The following FBH1 variants were observed in gnomAD, a reference collection of about 807,000 sequenced individuals.
The protein encoded by FBH1 is F-box DNA helicase 1.
Under a neutral mutation model 115.5 loss-of-function variants are expected in FBH1, and 43 were observed. That is an observed-to-expected ratio of 0.37 (90% CI 0.29 to 0.48). The LOEUF (loss-of-function observed/expected upper bound fraction) is 0.48, where lower values mean the gene tolerates loss of function less well. Ranked by LOEUF, FBH1 falls within the 20% of genes least tolerant of loss-of-function variation. The pLI, the probability that FBH1 is intolerant of heterozygous loss-of-function variation, is 0.99. For missense variants in FBH1, 1,001 were observed against 1,337.3 expected (o/e 0.75, Z 3.92); for synonymous variants, 524 against 507.8 (o/e 1.03, Z -0.43).
intron 9 of FBH1, 166 bp from the exon 10 acceptor site, chr10:5,916,068 C>G (rs1280794266): frequency 1.9e-5 from 12 of 634,238 alleles, no homozygotes; most frequent in Non-Finnish European, 3.3e-5. Flanking sequence ...AAGCCATTTC[C>G]AGTCAGACAT....
At chr10:5,890,117 G>T (rs1842606870), upstream of FBH1, 2 of 321,012 alleles carry the variant, frequency 6.2e-6, no homozygotes, top group Non-Finnish European at 5.7e-6. Flanking sequence ...CCGTCAGCAC[G>T]CCCCCTCCGG....
At chr10:5,927,569 C>G (rs1832727469) in intron 19 of FBH1, 28 bp downstream of exon 19, 1 of 1,565,520 alleles carries the variant, frequency 6.4e-7, no homozygotes. Flanking sequence ...CATGAGCTAA[C>G]TTGATGCCAT....
rs1190359427 is a variant in FBH1 at position 5,897,698 on chromosome 10, C to T, written c.2-5322C>T. On this transcript the variant is annotated intron_variant, in intron 1 of 20. Transcript: ENST00000362091. This position sits in a 1 kb window ranked among gnomAD's most constrained non-coding sequence, Gnocchi z 4.7. ...AGTCTAAGCGCCCCTCCCCCGGTACCGAACCTCAGTTCCTCCCAGGGTGGC... is the reference window on the plus strand; with the variant it reads ...AGTCTAAGCGCCCCTCCCCCGGTACTGAACCTCAGTTCCTCCCAGGGTGGC... Among the ~76,000 whole-genome samples, 2 of 152,108 alleles carry T rather than the reference C, an allele frequency of 1.3e-5. No homozygotes were observed. The highest frequency in any genetic ancestry group is 4.8e-5 in the African/African-American group (2 of 41,422).
At chr10:5,893,092 G>A (rs1232554647) in intron 1 of FBH1, among the ~76,000 whole-genome samples, 1 of 152,216 alleles carries the variant, frequency 6.6e-6, no homozygotes, top group Admixed American at 6.5e-5. Context: ...TATTGCCTGA[G>A]CTCAGGAGTT....
rs1370970871 is a variant in FBH1 at position 5,918,185 on chromosome 10, G to A, written c.1964-157G>A. Among the ~76,000 whole-genome samples, 2 of 152,208 alleles carry A rather than the reference G, an allele frequency of 1.3e-5. No individual in the cohort carries two copies. Among genetic ancestry groups the A allele is most frequent in the African/African-American group, 4.8e-5 (2 of 41,446 alleles). On this transcript the variant is annotated intron_variant, in intron 12 of 20. Coordinates refer to ENST00000362091, the MANE Select transcript of FBH1 (RefSeq NM_178150.3). This position sits in a 1 kb window ranked among gnomAD's most constrained non-coding sequence, Gnocchi z 4.0. ...CTGTTTCTTTTGTCCATTATAAAAT[G>A]GCTGCTTTTGATGGAGTGTGCCTGT...
In FBH1 at chr10:5,911,266, TTC is replaced by T; in HGVS notation, c.1211+140_1211+141del. On this transcript the variant is annotated intron_variant, in intron 6 of 20. Coordinates refer to ENST00000362091, the MANE Select transcript of FBH1 (RefSeq NM_178150.3). This position sits in a 1 kb window ranked among gnomAD's most constrained non-coding sequence, Gnocchi z 5.4. ...CCACCTGCTCCACCTCAGTGTCATC[TTC>T]TGCAGGAGCCAGGGGCTGAGAGTTT... is the stretch of plus-strand genomic sequence containing the variant. 2 of 811,216 alleles carry T rather than the reference TTC, an allele frequency of 2.5e-6. No individual in the cohort carries two copies. The highest frequency in any genetic ancestry group is 3.6e-5 in the South Asian group (2 of 56,338). The allele number at this position is 811,216 out of a possible 1,614,324, so 50.3% of individuals were successfully genotyped here.
In FBH1 at chr10:5,911,240, C is replaced by A; in HGVS notation, c.1211+112C>A. ...TGTTAGCACCTGGCAGGCTGTGGGA[C>A]CCACCTGCTCCACCTCAGTGTCATC... On this transcript the variant is annotated intron_variant, in intron 6 of 20. Transcript: ENST00000362091. The surrounding 1 kb of genome is among the most constrained non-coding windows in gnomAD (Gnocchi z 5.4). The A allele has an allele frequency of 1.0e-6, 1 of 1,000,136 alleles. No individual in the cohort carries two copies. Among genetic ancestry groups the A allele is most frequent in the Non-Finnish European group, 1.5e-6 (1 of 684,178 alleles). The allele number at this position is 1,000,136 out of a possible 1,614,324, so 62.0% of individuals were successfully genotyped here.
upstream of FBH1, chr10:5,890,022 C>G (rs1307279586): frequency 1.9e-5 from 5 of 269,380 alleles, no homozygotes; most frequent in Non-Finnish European, 3.5e-5. Context: ...CGCCCCGGCC[C>G]GAGCGGAAGC....
In FBH1 at chr10:5,915,410, G is replaced by T. The variant is rs771818791; in HGVS notation, c.1404G>T (p.Gly468=). The T allele has an allele frequency of 3.7e-6, 6 of 1,614,196 alleles. No homozygotes were observed. The highest frequency in any genetic ancestry group is 8.5e-7 in the Non-Finnish European group (1 of 1,180,028). ...VVKIMAFAGT[G]KTSTLVKYAE... ...TCCTCCTGGCTTCCCCAGGCACTGG[G>T]AAGACCTCAACGCTGGTCAAGTATG... The change falls in exon 9 of 21, where the codon GGG becomes GGT. Residue 468 remains glycine (G), a synonymous_variant. Transcript: ENST00000362091. The surrounding 1 kb of genome is among the most constrained non-coding windows in gnomAD (Gnocchi z 5.2).
At position 5,914,110 on chromosome 10, in the gene FBH1, G is replaced by A. The variant is rs113662312; in HGVS notation, c.1305-68G>A. ...TATCCAGTTTGTATGTTTGGTTTTT[G>A]GACTGTCTATCCCCTGGACTTTTCA... On this transcript the variant is annotated intron_variant, in intron 7 of 20. Coordinates refer to ENST00000362091, the MANE Select transcript of FBH1 (RefSeq NM_178150.3). This position sits in a 1 kb window ranked among gnomAD's most constrained non-coding sequence, Gnocchi z 5.2. 1.5e-3 allele frequency: 2,181 copies of A among 1,464,600 alleles called. 30 individuals are homozygous for A. The African/African-American group carries it at 0.027, about 18-fold the overall frequency. The allele number at this position is 1,464,600 out of a possible 1,614,324, so 90.7% of individuals were successfully genotyped here.
intron 1 of FBH1, among the ~76,000 whole-genome samples, chr10:5,898,190 GTCTC>G (rs750818481): frequency 6.6e-6 from 1 of 152,226 alleles, no homozygotes; most frequent in South Asian, 2.1e-4. Flanking sequence ...ATAAGCAGAA[GTCTC>G]TCTCACTCAC....
At position 5,906,075 on chromosome 10, in the gene FBH1, G is replaced by C. The variant is rs868865045; in HGVS notation, c.196G>C (p.Ala66Pro). ...SQRCIPEFFL[A>P]GKQPCTNDMA... ...AAGATGCATCCCTGAGTTCTTCCTA[G>C]CAGGCAAGCAGCCGTGCACCAATGA... Residue 66 changes from alanine (A) to proline (P), a missense_variant, in exon 3 of 21, where the codon GCA becomes CCA. Physicochemically the swap from Ala to Pro is conservative, Grantham distance 27 (BLOSUM62 -1). Transcript: ENST00000362091. The surrounding 1 kb of genome is among the most constrained non-coding windows in gnomAD (Gnocchi z 7.3). 2 of 1,611,802 alleles carry C rather than the reference G, an allele frequency of 1.2e-6. No homozygotes were observed. Among genetic ancestry groups the C allele is most frequent in the East Asian group, 4.5e-5 (2 of 44,816 alleles).
intron 15 of FBH1, among the ~76,000 whole-genome samples, chr10:5,922,735 A>G (rs1052440657): frequency 6.6e-6 from 1 of 152,132 alleles, no homozygotes; most frequent in Non-Finnish European, 1.5e-5. Context: ...TCTGTCTTCT[A>G]TGTGGGGCCT....
chr10:5,889,746 G>C (rs965371223), upstream of FBH1: 2 of 159,662 alleles, frequency 1.3e-5, no homozygotes, highest in Admixed American at 6.4e-5. Context: ...GAACACGTAA[G>C]GGAGTGGGGC....
chr10:5,894,459 G>C (rs765308237), intron 1 of FBH1: 16 of 1,494,912 alleles, frequency 1.1e-5, no homozygotes, highest in South Asian at 3.4e-5. Context: ...GGAGTCAGGA[G>C]ACCCGGGTTC....
intron 1 of FBH1, 101 bp downstream of exon 1, chr10:5,890,447 G>A: frequency 3.0e-6 from 1 of 337,730 alleles, no homozygotes; most frequent in Non-Finnish European, 5.6e-6. Flanking sequence ...GCCCGGGGTG[G>A]GGCAGCGGGG....
At position 5,914,111 on chromosome 10, in the gene FBH1, G is replaced by T; in HGVS notation, c.1305-67G>T. On this transcript the variant is annotated intron_variant, in intron 7 of 20. Transcript: ENST00000362091. The surrounding 1 kb of genome is among the most constrained non-coding windows in gnomAD (Gnocchi z 5.2). ...ATCCAGTTTGTATGTTTGGTTTTTG[G>T]ACTGTCTATCCCCTGGACTTTTCAC... 6.8e-7 allele frequency: 1 copy of T among 1,477,116 alleles called. No homozygotes were observed. The highest frequency in any genetic ancestry group is 1.2e-5 in the South Asian group (1 of 84,980). 91.5% of individuals were successfully genotyped at this position (1,477,116 alleles called of 1,614,324 possible). A position where few individuals can be genotyped will look rare whatever the true frequency, so the allele number is the denominator to read the frequency against.
chr10:5,902,996 C>A, intron 1 of FBH1, 24 bp from the exon 2 acceptor site: 1 of 1,585,934 alleles, frequency 6.3e-7, no homozygotes, highest in Non-Finnish European at 8.6e-7. Context: ...TATCCCCTTT[C>A]TTCTACCTGC....
In FBH1 at chr10:5,936,350, T is replaced by G; in HGVS notation, c.2830-106T>G. Reference sequence around the variant, plus strand: ...TAGGCGGGGTTTTTCTCTCTGGGACTTACAGTGCATCTAAAGGGTTCTCAC... The same window carrying G: ...TAGGCGGGGTTTTTCTCTCTGGGACGTACAGTGCATCTAAAGGGTTCTCAC... On this transcript the variant is annotated intron_variant, in intron 19 of 20. Coordinates refer to ENST00000362091, the MANE Select transcript of FBH1 (RefSeq NM_178150.3). The surrounding 1 kb of genome is among the most constrained non-coding windows in gnomAD (Gnocchi z 5.6). The G allele has an allele frequency of 7.5e-7, 1 of 1,336,230 alleles. No individual in the cohort carries two copies. The highest frequency in any genetic ancestry group is 1.0e-6 in the Non-Finnish European group (1 of 964,378). The allele number at this position is 1,336,230 out of a possible 1,614,324, so 82.8% of individuals were successfully genotyped here.
Sources: gnomAD v4.1 joint callset for allele counts (sites outside exome capture counted in the v4.1 genomes callset) on GRCh38, gnomAD v4.1.1 for gene constraint, Gnocchi (gnomAD v3.1) non-coding constraint, MANE v1.5 for transcripts, NCBI Gene and HGNC (gene_info 2026-07-23, HGNC 2026-07-21) for gene names.